ADAMTSL1: variants seen among roughly 807,000 people sequenced by gnomAD.
ADAMTSL1 encodes ADAMTS-like protein 1.
A neutral mutation model predicts 201.8 loss-of-function variants in ADAMTSL1; 126 were observed. The ratio of observed to expected loss-of-function variants is 0.62; its 90% CI spans 0.54 to 0.72. The LOEUF is 0.72. Ranked by LOEUF, ADAMTSL1 falls within the 30% of genes least tolerant of loss-of-function variation. The pLI, the probability that ADAMTSL1 is intolerant of heterozygous loss-of-function variation, is 0.00. For synonymous variants in ADAMTSL1, 1,121 were observed against 903.4 expected, an observed-to-expected ratio of 1.24 and a Z score of -4.32; for missense variants, 2,679 against 2,277.8, an observed-to-expected ratio of 1.18 and a Z score of -3.59.
At chr9:18,002,747 T>A (rs369062746) in intron 1 of ADAMTSL1, among the ~76,000 whole-genome samples, 6 of 152,080 alleles carry the variant, frequency 3.9e-5, no homozygotes, top group South Asian at 2.1e-4. Flanking sequence ...TCTTTTATTT[T>A]TATTCAAGGT....
chr9:18,855,584 G>C (rs1034100090), intron 23 of ADAMTSL1, among the ~76,000 whole-genome samples: 1 of 152,046 alleles, frequency 6.6e-6, no homozygotes, highest in Admixed American at 6.6e-5. Flanking sequence ...TTAAGAGTTC[G>C]AACTCTTTTA....
At chr9:18,705,196 C>G (rs569258721) in intron 13 of ADAMTSL1, among the ~76,000 whole-genome samples, 7 of 152,316 alleles carry the variant, frequency 4.6e-5, no homozygotes, top group African/African-American at 1.7e-4. Context: ...ATGCTATAAC[C>G]TTCTTATCAG....
chr9:18,430,148 G>T (rs1453195295), intron 2 of ADAMTSL1, among the ~76,000 whole-genome samples: 1 of 152,134 alleles, frequency 6.6e-6, no homozygotes, highest in African/African-American at 2.4e-5. Context: ...AAAACCACCT[G>T]GGGATACTGT....
At chr9:18,419,441 T>C (rs1470400047) in intron 2 of ADAMTSL1, among the ~76,000 whole-genome samples, 1 of 152,170 alleles carries the variant, frequency 6.6e-6, no homozygotes, top group African/African-American at 2.4e-5. Context: ...AGTAGTCCTA[T>C]TGCTGGATGT....
intron 4 of ADAMTSL1, among the ~76,000 whole-genome samples, chr9:18,594,438 C>T (rs528050824): frequency 2.0e-5 from 3 of 152,164 alleles, no homozygotes; most frequent in African/African-American, 4.8e-5. Flanking sequence ...TTCTCAGTTC[C>T]CTCTTTAACA....
At chr9:17,971,611 T>TC (rs1818208464) in intron 1 of ADAMTSL1, among the ~76,000 whole-genome samples, 1 of 152,024 alleles carries the variant, frequency 6.6e-6, no homozygotes, top group African/African-American at 2.4e-5. Flanking sequence ...GGTAATTTTT[T>TC]CCATGTCAAC....
At chr9:18,520,770 A>G (rs1447499987) in intron 2 of ADAMTSL1, among the ~76,000 whole-genome samples, 2 of 152,156 alleles carry the variant, frequency 1.3e-5, no homozygotes, top group Non-Finnish European at 2.9e-5. Flanking sequence ...CAAAAGCCAC[A>G]TTTATCAAGT....
chr9:18,099,357 T>TATATATATA lies in ADAMTSL1; in HGVS notation c.88-64505_88-64504insATATATATA, dbSNP rs58492343. ...TATATATATATATATATATATATAT[T>TATATATATA]TTTTTTTTTTTTTTTAACATCCATT... is the stretch of plus-strand genomic sequence containing the variant. On this transcript the variant is annotated intron_variant, in intron 1 of 29. Transcript: ENST00000680146. 7.3e-3 allele frequency among the ~76,000 whole-genome samples: 418 copies of TATATATATA among 56,872 alleles called. 7 individuals carry two copies. Among genetic ancestry groups the TATATATATA allele is most frequent in the African/African-American group, 0.014 (160 of 11,342 alleles). 37.3% of individuals were successfully genotyped at this position (56,872 alleles called of 152,430 possible).
At chr9:18,432,734 A>C (rs888580495) in intron 2 of ADAMTSL1, among the ~76,000 whole-genome samples, 3 of 152,172 alleles carry the variant, frequency 2.0e-5, no homozygotes, top group African/African-American at 7.2e-5. Flanking sequence ...ACCGGCTCTG[A>C]AACTCATACA....
intron 2 of ADAMTSL1, among the ~76,000 whole-genome samples, chr9:18,296,637 T>G (rs535023384): frequency 1.4e-4 from 21 of 152,222 alleles, no homozygotes; most frequent in Non-Finnish European, 2.2e-4. Flanking sequence ...AAAAATGAGT[T>G]ACATACAGAT....
chr9:17,928,909 A>G (rs1368836555), intron 1 of ADAMTSL1, among the ~76,000 whole-genome samples: 7 of 152,158 alleles, frequency 4.6e-5, no homozygotes, highest in Non-Finnish European at 8.8e-5. Flanking sequence ...GCTGAAAGAA[A>G]AGGCAGTAGA....
Position 18,847,170 on chromosome 9 carries a change from G to A in ADAMTSL1, c.4249+17193G>A, listed in dbSNP as rs541101341. On this transcript the variant is annotated intron_variant, in intron 23 of 28. Coordinates refer to ENST00000380548, the MANE Select transcript of ADAMTSL1 (RefSeq NM_001040272.6). ...ACAGACAGAAAAGTCAATCATGAGT[G>A]TGAGAAAAGCTCTATAGGCTGCACA... Among the ~76,000 whole-genome samples the A allele has an allele frequency of 5.0e-4, 76 of 152,312 alleles. No homozygotes were observed. In the South Asian group the frequency reaches 0.013, roughly 25 times the overall value.
chr9:18,440,966 G>T (rs1252338136), intron 2 of ADAMTSL1, among the ~76,000 whole-genome samples: 2 of 152,032 alleles, frequency 1.3e-5, no homozygotes, highest in Admixed American at 1.3e-4. Context: ...AGAAGAAAAT[G>T]TTGGAATATT....
chr9:18,857,053 T>A (rs1826903361), intron 23 of ADAMTSL1, among the ~76,000 whole-genome samples: 1 of 152,194 alleles, frequency 6.6e-6, no homozygotes, highest in South Asian at 2.1e-4. Flanking sequence ...AGGTTTTTTT[T>A]CCTTTCTTTT....
At chr9:18,622,496 A>G in intron 5 of ADAMTSL1, 127 bp downstream of exon 5, 1 of 1,388,592 alleles carries the variant, frequency 7.2e-7, no homozygotes, top group East Asian at 2.4e-5. Flanking sequence ...GAAAATGTAG[A>G]AGGCTTCATG....
At chr9:18,726,146 G>A (rs780628723) in intron 15 of ADAMTSL1, among the ~76,000 whole-genome samples, 8 of 152,048 alleles carry the variant, frequency 5.3e-5, no homozygotes, top group East Asian at 1.9e-4. Flanking sequence ...AAAAGAAAAC[G>A]TGATTTTTAA....
intron 9 of ADAMTSL1, among the ~76,000 whole-genome samples, chr9:18,664,792 C>A (rs1452150117): frequency 1.3e-5 from 2 of 152,038 alleles, no homozygotes; most frequent in African/African-American, 4.8e-5. Context: ...CCCTTCTGGG[C>A]TTCCATTTTC....
intron 22 of ADAMTSL1, among the ~76,000 whole-genome samples, chr9:18,828,695 A>ATATATATTT (rs59734310): frequency 2.5e-5 from 1 of 40,250 alleles, no homozygotes; most frequent in Non-Finnish European, 5.0e-5. Context: ...TATATATATA[A>ATATATATTT]AATGTGTGTG....
intron 1 of ADAMTSL1, among the ~76,000 whole-genome samples, chr9:17,975,326 A>T (rs1296873342): frequency 2.6e-5 from 4 of 152,042 alleles, no homozygotes; most frequent in African/African-American, 9.7e-5. Context: ...ACAACAATAT[A>T]AATTTATTTC....
Sources: allele counts gnomAD v4.1 joint callset (sites outside exome capture counted in the v4.1 genomes callset), GRCh38; gene constraint gnomAD v4.1.1; transcripts MANE v1.5; gene names NCBI Gene and HGNC (gene_info 2026-07-23, HGNC 2026-07-21).